The following PDE12 variants were observed in gnomAD, a reference collection of about 807,000 sequenced individuals.
PDE12 encodes the protein phosphodiesterase 12, also known as 2',5'-phosphodiesterase 12.
PDE12 carries 26 observed loss-of-function variants against 45.4 expected under a neutral mutation model. That is an observed-to-expected ratio of 0.57 (90% confidence interval 0.42 to 0.79). The LOEUF (loss-of-function observed/expected upper bound fraction) is 0.79, where lower values mean the gene tolerates loss of function less well. Ranked by LOEUF, PDE12 falls within the 30% of genes least tolerant of loss-of-function variation. The probability of loss-of-function intolerance (pLI) is 0.00; values close to 1 mark genes in which losing one functional copy is unlikely to be tolerated. For missense variants in PDE12, 668 were observed against 790.0 expected, an observed-to-expected ratio of 0.85 and a Z score of 1.85; for synonymous variants, 283 against 323.9, an observed-to-expected ratio of 0.87 and a Z score of 1.36.
the PDE12 span, chr3:57,572,038 T>C: frequency 2.2e-4 from 116 of 532,302 alleles, no homozygotes; most frequent in Non-Finnish European, 3.5e-4. Flanking sequence ...ACCAAGCACA[T>C]TGCTAAATAG....
At chr3:57,596,335 A>AC in the PDE12 span, among the ~76,000 whole-genome samples, 2 of 152,174 alleles carry the variant, frequency 1.3e-5, no homozygotes, top group East Asian at 1.9e-4. Flanking sequence ...TTTGCATTAG[A>AC]CCTTAGACCG....
chr3:57,571,644 A>T (rs2069844038), downstream of PDE12: 1 of 152,828 alleles, frequency 6.5e-6, no homozygotes, highest in South Asian at 2.1e-4. Context: ...TTGGCTATCA[A>T]ATCCAAACCC....
At chr3:57,567,206 G>A (rs893177681), downstream of PDE12, among the ~76,000 whole-genome samples, 3 of 152,016 alleles carry the variant, frequency 2.0e-5, no homozygotes, top group Non-Finnish European at 4.4e-5. Context: ...CAGCTAATCC[G>A]GAGACTGAGG....
the PDE12 span, among the ~76,000 whole-genome samples, chr3:57,599,069 G>A: frequency 6.6e-6 from 1 of 152,158 alleles, no homozygotes; most frequent in Non-Finnish European, 1.5e-5. Context: ...TCAGAGCACG[G>A]TTTGGTTTTA....
Position 57,556,733 on chromosome 3 carries a change from C to T in PDE12, c.354C>T (p.Phe118=), listed in dbSNP as rs777520816. ...CSGPGPEPAV[F]CEPVVKLYYR... is the part of the protein sequence containing the mutation. ...GGCCGGGGCCTGAGCCGGCTGTGTT[C>T]TGCGAGCCCGTGGTGAAGCTGTACT... Residue 118 remains phenylalanine (F), a synonymous_variant, in exon 1 of 3, where the codon TTC becomes TTT. Coordinates refer to ENST00000311180, the MANE Select transcript of PDE12 (RefSeq NM_177966.7). This position sits in a 1 kb window ranked among gnomAD's most constrained non-coding sequence, Gnocchi z 5.0. The T allele has an allele frequency of 1.3e-6, 2 of 1,596,366 alleles. No homozygotes were observed. The highest frequency in any genetic ancestry group is 8.6e-7 in the Non-Finnish European group (1 of 1,167,852).
In PDE12 at chr3:57,566,119, T is replaced by C. The variant is rs1171612925; in HGVS notation, c.*6115T>C. ...GCATATCAACTCAGTTGACAAGGAC[T>C]GGCCCCCAAAAGAAGCTGCATACTC... On this transcript the variant is annotated 3_prime_UTR_variant, in exon 3 of 3. Transcript: ENST00000311180. 2 of 152,200 alleles carry C rather than the reference T, an allele frequency of 1.3e-5. No individual in the cohort carries two copies. The highest frequency in any genetic ancestry group is 2.9e-5 in the Non-Finnish European group (2 of 68,042). The allele number at this position is 152,200 out of a possible 1,614,324, so 9.4% of individuals were successfully genotyped here.
chr3:57,637,482 CT>C, the PDE12 span, among the ~76,000 whole-genome samples: 1 of 152,122 alleles, frequency 6.6e-6, no homozygotes, highest in Non-Finnish European at 1.5e-5. Context: ...TGCCTTCCCT[CT>C]TGGTTCTAAA....
rs2069720783 is a variant in PDE12, at chr3:57,560,754, G to A, written c.*750G>A. ...AATGAATCATGCTTATGTACTAAGA[G>A]GGAAAATGTATTTAAGTTAAGGGTG... On this transcript the variant is annotated 3_prime_UTR_variant, in exon 3 of 3. Transcript: ENST00000311180. 1 of 985,476 alleles carries A rather than the reference G, an allele frequency of 1.0e-6. No individual in the cohort carries two copies. Among genetic ancestry groups the A allele is most frequent in the African/African-American group, 1.7e-5 (1 of 57,342 alleles). The allele number at this position is 985,476 out of a possible 1,614,324, so 61.0% of individuals were successfully genotyped here. A position where few individuals can be genotyped will look rare whatever the true frequency, so the allele number is the denominator to read the frequency against.
the PDE12 span, among the ~76,000 whole-genome samples, chr3:57,618,627 T>TTTTTTTTTTTTTTTG: frequency 2.9e-5 from 4 of 136,838 alleles, no homozygotes; most frequent in Non-Finnish European, 4.7e-5. Flanking sequence ...TTTTTTTTTT[T>TTTTTTTTTTTTTTTG]GAGATGGAGT....
the PDE12 span, chr3:57,641,773 T>C: frequency 0.84 from 1,322,041 of 1,578,474 alleles, 555,386 homozygotes; most frequent in East Asian, 1. Context: ...CAAAACAAAA[T>C]AAAAAAGGTG....
At chr3:57,592,465 G>A in the PDE12 span, among the ~76,000 whole-genome samples, 12 of 152,244 alleles carry the variant, frequency 7.9e-5, no homozygotes, top group Non-Finnish European at 1.6e-4. Flanking sequence ...TCGAGCCTGG[G>A]TGACACAGTG....
the PDE12 span, chr3:57,630,976 T>C: frequency 3.7e-6 from 6 of 1,612,206 alleles, no homozygotes; most frequent in South Asian, 5.5e-5. Context: ...CCACATATCT[T>C]TCCTAAAACC....
chr3:57,624,102 CT>C, the PDE12 span, among the ~76,000 whole-genome samples: 1 of 152,054 alleles, frequency 6.6e-6, no homozygotes. Flanking sequence ...ATCCTCCCAC[CT>C]TAGCCTCCCA....
At chr3:57,558,717 C>G (rs531535165) in intron 1 of PDE12, among the ~76,000 whole-genome samples, 2 of 150,992 alleles carry the variant, frequency 1.3e-5, no homozygotes, top group Admixed American at 1.3e-4. Flanking sequence ...GTCTCGATCT[C>G]CTGACCTCGT....
the PDE12 span, among the ~76,000 whole-genome samples, chr3:57,620,994 TGTAAA>T: frequency 1.4e-4 from 21 of 152,130 alleles, no homozygotes; most frequent in Non-Finnish European, 2.8e-4. Flanking sequence ...TGTATGGAAA[TGTAAA>T]GTAATTAAGT....
chr3:57,567,848 C>T (rs180844075), downstream of PDE12, among the ~76,000 whole-genome samples: 1 of 152,082 alleles, frequency 6.6e-6, no homozygotes, highest in African/African-American at 2.4e-5. Context: ...TGTAATCCCA[C>T]CTGAGGTCAG....
Position 57,566,019 on chromosome 3 carries a change from T to C in PDE12, c.*6015T>C, listed in dbSNP as rs1206419437. ...TGTAGAGTTTTTAATAATTCTATTATAAATAATGGAATCAGGCCAGCACAG... is the reference window on the plus strand; with the variant it reads ...TGTAGAGTTTTTAATAATTCTATTACAAATAATGGAATCAGGCCAGCACAG... On this transcript the variant is annotated 3_prime_UTR_variant, in exon 3 of 3. Transcript: ENST00000311180. 6.6e-6 allele frequency: 1 copy of C among 151,994 alleles called. No homozygotes were observed. The highest frequency in any genetic ancestry group is 1.9e-4 in the East Asian group (1 of 5,174). 9.4% of individuals were successfully genotyped at this position (151,994 alleles called of 1,614,324 possible).
the PDE12 span, among the ~76,000 whole-genome samples, chr3:57,653,715 C>T: frequency 5.5e-5 from 8 of 146,400 alleles, no homozygotes; most frequent in Admixed American, 2.7e-4. Flanking sequence ...CACTGCACTC[C>T]GGCCTGGGCG....
intron 1 of PDE12, 83 bp from the exon 2 acceptor site, chr3:57,559,225 ACT>A: frequency 8.5e-7 from 1 of 1,174,298 alleles, no homozygotes. Flanking sequence ...TCTCGAAAAA[ACT>A]CAAAAAAACA....
Sources: gnomAD v4.1 joint callset for allele counts (sites outside exome capture counted in the v4.1 genomes callset) on GRCh38, gnomAD v4.1.1 for gene constraint, Gnocchi (gnomAD v3.1) non-coding constraint, MANE v1.5 for transcripts, NCBI Gene and HGNC (gene_info 2026-07-23, HGNC 2026-07-21) for gene names.